Variants in TTC29 observed in about 807,000 individuals in gnomAD.
TTC29 encodes the protein tetratricopeptide repeat domain 29.
In TTC29, 49 loss-of-function variants were observed where a neutral mutation model predicts 58.1. That is an observed-to-expected ratio of 0.84 (90% confidence interval 0.67 to 1.07). The LOEUF (loss-of-function observed/expected upper bound fraction) is 1.07. TTC29 is among the 50% of genes least tolerant of loss of function. The pLI is 0.00. For synonymous variants in TTC29, 209 were observed against 196.8 expected (o/e 1.06, Z -0.52); for missense variants, 582 against 555.6 (o/e 1.05, Z -0.48).
Position 146,896,680 on chromosome 4 carries a change from C to T in TTC29, c.586+6864G>A, listed in dbSNP as rs115754667. On this transcript the variant is annotated intron_variant, in intron 6 of 12. Transcript: ENST00000325106. ...CTTCCTCAGGAACTTCCATATTTGT[C>T]GTCTTCTCTCATTGTTTTCATTTCT... Among the ~76,000 whole-genome samples, 1,279 of 152,084 alleles carry T rather than the reference C, an allele frequency of 8.4e-3. 14 individuals carry two copies. The highest frequency in any genetic ancestry group is 0.029 in the African/African-American group (1,205 of 41,510).
rs9991227 is a variant in TTC29, at chr4:146,737,596, G to T, written c.1331-30045C>A. On this transcript the variant is annotated intron_variant, in intron 11 of 12. Coordinates refer to ENST00000325106, the MANE Select transcript of TTC29 (RefSeq NM_031956.4). ...AGGCTGATGCTAGTAGCCCTGGGGG[G>T]GGGGGGGCTACAAACGGGTCTTGAC... Among the ~76,000 whole-genome samples the T allele has an allele frequency of 6.9e-3, 1,033 of 149,672 alleles. 52 individuals are homozygous for T. The highest frequency in any genetic ancestry group is 7.2e-3 in the African/African-American group (292 of 40,436).
chr4:146,789,519 A>T (rs1749274312), intron 11 of TTC29, among the ~76,000 whole-genome samples: 1 of 152,218 alleles, frequency 6.6e-6, no homozygotes, highest in Non-Finnish European at 1.5e-5. Context: ...TTAATTTTCC[A>T]CAGGGTATCT....
At chr4:146,802,954 T>C (rs578114051) in intron 11 of TTC29, among the ~76,000 whole-genome samples, 2 of 152,318 alleles carry the variant, frequency 1.3e-5, no homozygotes, top group South Asian at 4.1e-4. Flanking sequence ...TCAATTCTAT[T>C]GAATAAGAAA....
intron 11 of TTC29, among the ~76,000 whole-genome samples, chr4:146,795,653 A>G (rs911426088): frequency 2.0e-5 from 3 of 152,154 alleles, no homozygotes; most frequent in African/African-American, 7.2e-5. Context: ...CTGAATCAGG[A>G]AAAGTTTAAA....
At chr4:146,936,975 C>T (rs1735882912) in intron 4 of TTC29, among the ~76,000 whole-genome samples, 1 of 151,858 alleles carries the variant, frequency 6.6e-6, no homozygotes, top group African/African-American at 2.4e-5. Flanking sequence ...AAATATTAAA[C>T]TTGTTTAGCT....
intron 8 of TTC29, among the ~76,000 whole-genome samples, chr4:146,862,598 C>T (rs1333764377): frequency 6.6e-6 from 1 of 152,194 alleles, no homozygotes. Context: ...AAGCTCTGTT[C>T]AAATGTTGTG....
chr4:146,723,972 C>T (rs1314847355), intron 11 of TTC29, among the ~76,000 whole-genome samples: 5 of 152,150 alleles, frequency 3.3e-5, no homozygotes, highest in Non-Finnish European at 5.9e-5. Context: ...ATGGAGCCAA[C>T]CTAGTTTCCC....
intron 6 of TTC29, among the ~76,000 whole-genome samples, chr4:146,899,633 A>G (rs1477834284): frequency 6.6e-6 from 1 of 151,990 alleles, no homozygotes; most frequent in African/African-American, 2.4e-5. Flanking sequence ...GAACCTATCT[A>G]CTGTTTGTGA....
chr4:146,818,590 A>G (rs1751590811), intron 10 of TTC29, among the ~76,000 whole-genome samples: 1 of 151,680 alleles, frequency 6.6e-6, no homozygotes. Context: ...CTGGGTATAT[A>G]CCCAAAGGAC....
intron 11 of TTC29, among the ~76,000 whole-genome samples, chr4:146,750,734 A>C (rs1364657361): frequency 1.3e-5 from 2 of 152,214 alleles, no homozygotes; most frequent in African/African-American, 4.8e-5. Context: ...TATACAAACA[A>C]TAAAGGAACT....
intron 11 of TTC29, among the ~76,000 whole-genome samples, chr4:146,763,662 A>G (rs547809869): frequency 1.3e-5 from 2 of 152,250 alleles, no homozygotes; most frequent in African/African-American, 4.8e-5. Flanking sequence ...TCAGAAAAAG[A>G]TATTCTTTCA....
chr4:146,806,087 C>G (rs1750596570), intron 10 of TTC29, among the ~76,000 whole-genome samples: 1 of 152,192 alleles, frequency 6.6e-6, no homozygotes, highest in Non-Finnish European at 1.5e-5. Context: ...ATTCAACACT[C>G]TTAAGGAAAA....
At chr4:146,776,643 G>A (rs537387367) in intron 11 of TTC29, among the ~76,000 whole-genome samples, 4 of 152,298 alleles carry the variant, frequency 2.6e-5, no homozygotes, top group South Asian at 4.1e-4. Context: ...TTAGGAATCT[G>A]CTGCCAAGGT....
chr4:146,735,176 C>T (rs568520558), intron 11 of TTC29, among the ~76,000 whole-genome samples: 1 of 152,020 alleles, frequency 6.6e-6, no homozygotes, highest in Non-Finnish European at 1.5e-5. Context: ...CTCAAAGCCA[C>T]CCCCCTAAAG....
intron 11 of TTC29, among the ~76,000 whole-genome samples, chr4:146,714,226 G>A (rs1315039365): frequency 6.6e-6 from 1 of 152,040 alleles, no homozygotes. Context: ...AACTGGCCCA[G>A]AACAGACATA....
intron 6 of TTC29, among the ~76,000 whole-genome samples, chr4:146,886,748 G>C (rs1335586251): frequency 3.3e-5 from 5 of 152,104 alleles, no homozygotes; most frequent in African/African-American, 9.7e-5. Context: ...GACTTTGTAA[G>C]GTCTCTGCTG....
intron 8 of TTC29, among the ~76,000 whole-genome samples, chr4:146,838,602 C>A (rs1196243584): frequency 6.6e-6 from 1 of 151,940 alleles, no homozygotes; most frequent in Admixed American, 6.6e-5. Context: ...TTAGGACTAC[C>A]AGTTAGGAGG....
chr4:146,859,708 G>C (rs773735111), intron 8 of TTC29, among the ~76,000 whole-genome samples: 8 of 152,082 alleles, frequency 5.3e-5, no homozygotes, highest in Admixed American at 1.3e-4. Context: ...TAACCACATA[G>C]AAGTGGAATA....
intron 4 of TTC29, among the ~76,000 whole-genome samples, chr4:146,928,499 A>T (rs916342906): frequency 2.0e-5 from 3 of 152,216 alleles, no homozygotes; most frequent in African/African-American, 7.2e-5. Flanking sequence ...ACCTGGAAAC[A>T]GTATGCACAG....
Sources: gnomAD v4.1 joint callset for allele counts (sites outside exome capture counted in the v4.1 genomes callset) on GRCh38, gnomAD v4.1.1 for gene constraint, MANE v1.5 for transcripts, NCBI Gene and HGNC (gene_info 2026-07-23, HGNC 2026-07-21) for gene names.